The following PLEK2 variants were observed in gnomAD, a reference collection of about 807,000 sequenced individuals.
PLEK2 encodes pleckstrin 2.
PLEK2 carries 29 observed loss-of-function variants against 43.8 expected under a neutral mutation model. That is an observed-to-expected ratio of 0.66 (90% CI 0.49 to 0.90). PLEK2 has a LOEUF of 0.90. Ranked by LOEUF, PLEK2 falls within the 40% of genes least tolerant of loss-of-function variation. The probability of loss-of-function intolerance (pLI) is 0.00; values close to 1 mark genes in which losing one functional copy is unlikely to be tolerated. For missense variants in PLEK2, 398 were observed against 448.1 expected (o/e 0.89, Z 1.01); for synonymous variants, 162 against 173.2 (o/e 0.94, Z 0.51).
Position 67,395,526 on chromosome 14 carries a change from G to T in PLEK2, c.265C>A (p.Arg89=). The T allele has an allele frequency of 6.2e-7, 1 of 1,614,146 alleles. No individual in the cohort carries two copies. The highest frequency in any genetic ancestry group is 8.5e-7 in the Non-Finnish European group (1 of 1,179,982). The change falls in exon 3 of 9, where the codon CGA becomes AGA. Residue 89 remains arginine, a synonymous_variant. Transcript: ENST00000216446. ...AAGGCCCAGGCATCCCGCTCCTCTCGAGAACAGGCCTCCAGGAAGTACTCC... is the reference window on the plus strand; with the variant it reads ...AAGGCCCAGGCATCCCGCTCCTCTCTAGAACAGGCCTCCAGGAAGTACTCC... ...STEYFLEACS[R]EERDAWAFEI... is the part of the protein sequence containing the mutation.
intron 3 of PLEK2, among the ~76,000 whole-genome samples, chr14:67,393,517 G>T (rs1261961117): frequency 2.0e-5 from 3 of 152,090 alleles, no homozygotes; most frequent in Non-Finnish European, 4.4e-5. Flanking sequence ...GCAGTGGCAA[G>T]ATCTCGGCTA....
intron 1 of PLEK2, among the ~76,000 whole-genome samples, chr14:67,402,360 T>G (rs2086054221): frequency 6.6e-6 from 1 of 152,218 alleles, no homozygotes; most frequent in Admixed American, 6.5e-5. Flanking sequence ...ATACATTGCA[T>G]AATAATCACA....
chr14:67,387,861 TAA>T (rs2085937820), intron 8 of PLEK2, among the ~76,000 whole-genome samples: 1 of 152,234 alleles, frequency 6.6e-6, no homozygotes, highest in African/African-American at 2.4e-5. Context: ...AAGATGGGAA[TAA>T]TATCTTCTTA....
chr14:67,392,988 G>T, intron 4 of PLEK2, 139 bp from the exon 5 acceptor site: 1 of 865,034 alleles, frequency 1.2e-6, no homozygotes, highest in Non-Finnish European at 1.9e-6. Context: ...CACACCTGCT[G>T]CATAGAGCCG....
chr14:67,392,342 C>G lies in PLEK2; in HGVS notation c.755G>C (p.Gly252Ala), dbSNP rs748099671. 1 of 1,609,666 alleles carries G rather than the reference C, an allele frequency of 6.2e-7. No homozygotes were observed. The highest frequency in any genetic ancestry group is 8.5e-7 in the Non-Finnish European group (1 of 1,175,874). The change falls in exon 6 of 9, where the codon GGC (glycine) becomes GCC (alanine). Residue 252 changes from glycine (G) to alanine (A), a missense_variant. Physicochemically the swap from Gly to Ala is moderately conservative, Grantham distance 60. Transcript: ENST00000216446. ...CAGCCATACCTGCTTGGCCAGGTAG[C>G]CTTGTTTCACCACCGTGCCACTTAA... is the stretch of plus-strand genomic sequence containing the variant. ...VELSGTVVKQ[G>A]YLAKQGHKRK...
rs145333119 is a variant in PLEK2, at chr14:67,404,823, A to T, written c.43-6997T>A. Among the ~76,000 whole-genome samples, 643 of 152,250 alleles carry T rather than the reference A, an allele frequency of 4.2e-3. 20 individuals are homozygous for T. The East Asian group carries it at 0.06, about 14-fold the overall frequency. Reference sequence around the variant, plus strand: ...AGACCCCATCTCAGAAAAAATATATATAGTACATAAGTATTTCTAATACTT... The same window carrying T: ...AGACCCCATCTCAGAAAAAATATATTTAGTACATAAGTATTTCTAATACTT... On this transcript the variant is annotated intron_variant, in intron 1 of 8. Coordinates refer to ENST00000216446, the MANE Select transcript of PLEK2 (RefSeq NM_016445.3).
intron 8 of PLEK2, 121 bp downstream of exon 8, chr14:67,388,103 T>C (rs1484436177): frequency 1.5e-6 from 1 of 646,828 alleles, no homozygotes; most frequent in Admixed American, 2.6e-5. Context: ...CTCACACCAC[T>C]CTGTCTCATG....
chr14:67,404,253 C>T (rs1164095554), intron 1 of PLEK2, among the ~76,000 whole-genome samples: 1 of 152,154 alleles, frequency 6.6e-6, no homozygotes, highest in Admixed American at 6.5e-5. Context: ...AGGTCAGACT[C>T]CACAGTCTAA....
chr14:67,403,996 C>T (rs1042913920), intron 1 of PLEK2, among the ~76,000 whole-genome samples: 1 of 152,126 alleles, frequency 6.6e-6, no homozygotes, highest in African/African-American at 2.4e-5. Context: ...AAGGCTGCAA[C>T]AAGCTGTGAT....
At chr14:67,405,224 C>CAAAAAAA (rs770594121) in intron 1 of PLEK2, among the ~76,000 whole-genome samples, 1 of 40,482 alleles carries the variant, frequency 2.5e-5, no homozygotes, top group Non-Finnish European at 5.4e-5. Context: ...GAGTCCATCT[C>CAAAAAAA]AAAAAAAAAA....
chr14:67,410,616 G>A (rs1233152501), intron 1 of PLEK2, among the ~76,000 whole-genome samples: 3 of 152,140 alleles, frequency 2.0e-5, no homozygotes, highest in Non-Finnish European at 4.4e-5. Flanking sequence ...CCGCTCTCCT[G>A]TACCAAATAA....
At chr14:67,404,343 A>T (rs1445653643) in intron 1 of PLEK2, among the ~76,000 whole-genome samples, 5 of 151,990 alleles carry the variant, frequency 3.3e-5, no homozygotes, top group South Asian at 4.2e-4. Context: ...ACCTAAAAAA[A>T]CTCTAGCAGC....
At chr14:67,388,718 C>T (rs897120659) in intron 7 of PLEK2, among the ~76,000 whole-genome samples, 1 of 152,110 alleles carries the variant, frequency 6.6e-6, no homozygotes, top group African/African-American at 2.4e-5. Context: ...CTCACTCTGT[C>T]TTTCAGGCTG....
At chr14:67,392,002 C>G (rs1333998186) in intron 6 of PLEK2, among the ~76,000 whole-genome samples, 1 of 152,202 alleles carries the variant, frequency 6.6e-6, no homozygotes, top group Non-Finnish European at 1.5e-5. Flanking sequence ...AAACCTCAAG[C>G]CAGTCAGCAA....
rs2086035505 is a variant in PLEK2 at position 67,399,756 on chromosome 14, G to GTGGTT, written c.43-1931_43-1930insAACCA. ...TCAGGTGGCAGGAATAAAGAGAAGG[G>GTGGTT]TAGTTTAGGTGGCTCTCAAGTGGGT... is the stretch of plus-strand genomic sequence containing the variant. On this transcript the variant is annotated intron_variant, in intron 1 of 8. Coordinates refer to ENST00000216446, the MANE Select transcript of PLEK2 (RefSeq NM_016445.3). Among the ~76,000 whole-genome samples, 8 of 152,236 alleles carry GTGGTT rather than the reference G, an allele frequency of 5.3e-5. 2 individuals are homozygous for GTGGTT. Among genetic ancestry groups the GTGGTT allele is most frequent in the African/African-American group, 1.9e-4 (8 of 41,508 alleles).
chr14:67,389,465 T>G (rs2085951768), intron 7 of PLEK2, among the ~76,000 whole-genome samples: 1 of 152,210 alleles, frequency 6.6e-6, no homozygotes, highest in Non-Finnish European at 1.5e-5. Flanking sequence ...TTCCTTATCT[T>G]GTACCTGCAG....
intron 3 of PLEK2, among the ~76,000 whole-genome samples, chr14:67,393,614 T>C (rs113128313): frequency 0.02 from 3,001 of 152,138 alleles, 39 homozygotes; most frequent in Middle Eastern, 0.034. Context: ...CCACCACACC[T>C]GGCTAATTTT....
At chr14:67,397,092 C>T (rs1251127906) in intron 2 of PLEK2, among the ~76,000 whole-genome samples, 1 of 152,154 alleles carries the variant, frequency 6.6e-6, no homozygotes, top group East Asian at 1.9e-4. Context: ...GCCACTGCGA[C>T]CACGCTCAGC....
chr14:67,392,356 C>G lies in PLEK2; in HGVS notation c.741G>C (p.Thr247=). The change falls in exon 6 of 9, where the codon ACG becomes ACC. Residue 247 remains threonine, a synonymous_variant. Transcript: ENST00000216446. The part of the protein sequence containing the change: ...ISLSTVELSG[T]VVKQGYLAKQ... Reference sequence around the variant, plus strand: ...TGGCCAGGTAGCCTTGTTTCACCACCGTGCCACTTAACTCCACAGTGCTCA... The same window carrying G: ...TGGCCAGGTAGCCTTGTTTCACCACGGTGCCACTTAACTCCACAGTGCTCA... The G allele has an allele frequency of 6.2e-7, 1 of 1,613,046 alleles. No homozygotes were observed. Among genetic ancestry groups the G allele is most frequent in the Non-Finnish European group, 8.5e-7 (1 of 1,178,978 alleles).
Sources: allele counts gnomAD v4.1 joint callset (sites outside exome capture counted in the v4.1 genomes callset), GRCh38; gene constraint gnomAD v4.1.1; transcripts MANE v1.5; gene names NCBI Gene and HGNC (gene_info 2026-07-23, HGNC 2026-07-21).